The following SWAP70 variants were observed in gnomAD, a reference collection of about 807,000 sequenced individuals.
SWAP70 encodes the protein switch-associated protein 70.
SWAP70 carries 34 observed loss-of-function variants against 80.2 expected under a neutral mutation model. The observed-to-expected ratio is 0.42, with a 90% confidence interval of 0.32 to 0.56. The LOEUF (loss-of-function observed/expected upper bound fraction) is 0.56. Ranked by LOEUF, SWAP70 falls within the 20% of genes least tolerant of loss-of-function variation. The pLI, the probability that SWAP70 is intolerant of heterozygous loss-of-function variation, is 0.09. For missense variants in SWAP70, 578 were observed against 690.7 expected, an observed-to-expected ratio of 0.84 and a Z score of 1.83; for synonymous variants, 239 against 238.5, an observed-to-expected ratio of 1.00 and a Z score of -0.02.
At chr11:9,721,155 C>T (rs1252631253) in intron 3 of SWAP70, among the ~76,000 whole-genome samples, 1 of 152,066 alleles carries the variant, frequency 6.6e-6, no homozygotes, top group East Asian at 1.9e-4. Context: ...TCTTTTCTGT[C>T]CCATTTTCTC....
chr11:9,743,993 C>T (rs1280166213), intron 9 of SWAP70, among the ~76,000 whole-genome samples: 12 of 145,178 alleles, frequency 8.3e-5, no homozygotes, highest in Admixed American at 3.5e-4. Context: ...GACGGAGTCT[C>T]GCTCTGTCAC....
intron 2 of SWAP70, among the ~76,000 whole-genome samples, chr11:9,706,899 T>C (rs965210673): frequency 5.9e-5 from 9 of 152,078 alleles, no homozygotes; most frequent in Admixed American, 3.9e-4. Context: ...AGCATTTTTT[T>C]CCTTTTTTTT....
intron 1 of SWAP70, among the ~76,000 whole-genome samples, chr11:9,671,192 A>G (rs1448382434): frequency 1.3e-3 from 136 of 104,362 alleles, no homozygotes; most frequent in Non-Finnish European, 2.0e-3. Flanking sequence ...AAAAATATAT[A>G]AAATATATTT....
At chr11:9,714,970 C>CTTTTTTTTTTTTT (rs34803928) in intron 3 of SWAP70, among the ~76,000 whole-genome samples, 2 of 110,028 alleles carry the variant, frequency 1.8e-5, no homozygotes, top group Non-Finnish European at 3.6e-5. Context: ...CCACACCTGC[C>CTTTTTTTTTTTTT]TTTTTTTTTT....
intron 9 of SWAP70, among the ~76,000 whole-genome samples, chr11:9,742,111 C>G (rs1851448481): frequency 6.6e-6 from 1 of 151,876 alleles, no homozygotes; most frequent in Non-Finnish European, 1.5e-5. Context: ...AAAACTCCAG[C>G]TAATTATTTT....
intron 1 of SWAP70, chr11:9,680,781 T>A (rs2134433003): frequency 6.6e-6 from 1 of 152,374 alleles, no homozygotes; most frequent in East Asian, 1.9e-4. Context: ...CTTTTACTTT[T>A]TTTAAAATGA....
chr11:9,732,642 G>T lies in SWAP70; in HGVS notation c.1012G>T (p.Glu338Ter). The change falls in exon 7 of 12, where the codon GAG (glutamate) becomes TAG (stop). Residue 338 changes from glutamate (E) to a stop codon, truncating the protein, a stop_gained. Transcript: ENST00000318950. LOFTEE classifies it high-confidence loss of function. ...GCAGCTGGCTGAACAAGAGGAACTGGAGCGACAAATGAAGGAACTCCAGGC... is the reference window on the plus strand; with the variant it reads ...GCAGCTGGCTGAACAAGAGGAACTGTAGCGACAAATGAAGGAACTCCAGGC... ...KKQLAEQEEL[E>*]RQMKELQAAN... 2 of 1,578,568 alleles carry T rather than the reference G, an allele frequency of 1.3e-6. No individual in the cohort carries two copies. The highest frequency in any genetic ancestry group is 1.1e-5 in the South Asian group (1 of 87,108).
chr11:9,681,456 G>C (rs1850567611), intron 1 of SWAP70, among the ~76,000 whole-genome samples: 1 of 152,214 alleles, frequency 6.6e-6, no homozygotes, highest in Non-Finnish European at 1.5e-5. Flanking sequence ...ACCCTGTAAA[G>C]AGGGTAAGTC....
chr11:9,708,479 T>A (rs1234601065), intron 2 of SWAP70, among the ~76,000 whole-genome samples: 1 of 152,266 alleles, frequency 6.6e-6, no homozygotes, highest in African/African-American at 2.4e-5. Flanking sequence ...TTGCCCATTT[T>A]AAAATTCGCT....
At position 9,671,799 on chromosome 11, in the gene SWAP70, T is replaced by A. The variant is rs1245320975; in HGVS notation, c.99+7521T>A. Among the ~76,000 whole-genome samples the A allele has an allele frequency of 1.0e-4, 10 of 100,328 alleles. No individual in the cohort carries two copies. In the South Asian group the frequency reaches 2.9e-3, roughly 29 times the overall value. The allele number at this position is 100,328 out of a possible 152,430, so 65.8% of individuals were successfully genotyped here. ...TATAATATATTATTATTTATAAATA[T>A]ATATAAATATAAATATATAAATATA... is the stretch of plus-strand genomic sequence containing the variant. On this transcript the variant is annotated intron_variant, in intron 1 of 11. Transcript: ENST00000318950.
At chr11:9,667,142 G>A (rs1431734248) in intron 1 of SWAP70, among the ~76,000 whole-genome samples, 1 of 152,054 alleles carries the variant, frequency 6.6e-6, no homozygotes, top group African/African-American at 2.4e-5. Context: ...TAGGATTACA[G>A]GTGTGAGCAA....
intron 2 of SWAP70, among the ~76,000 whole-genome samples, chr11:9,699,345 CA>C (rs1015478759): frequency 5.3e-5 from 8 of 151,362 alleles, no homozygotes; most frequent in African/African-American, 1.7e-4. Context: ...TAAATTGTAC[CA>C]AAATTGATGT....
At chr11:9,727,233 C>A (rs1851237151) in intron 4 of SWAP70, among the ~76,000 whole-genome samples, 1 of 151,666 alleles carries the variant, frequency 6.6e-6, no homozygotes, top group African/African-American at 2.4e-5. Flanking sequence ...ATTAAAAATT[C>A]AAAAATTAGC....
intron 9 of SWAP70, among the ~76,000 whole-genome samples, chr11:9,745,257 G>A (rs118025449): frequency 2.6e-5 from 4 of 152,356 alleles, no homozygotes; most frequent in Non-Finnish European, 5.9e-5. Flanking sequence ...CAGTTGTTGT[G>A]AGGATGAAAT....
At position 9,752,004 on chromosome 11, in the gene SWAP70, G is replaced by C. The variant is rs1276909909; in HGVS notation, c.*2034G>C. On this transcript the variant is annotated 3_prime_UTR_variant, in exon 12 of 12. Coordinates refer to ENST00000318950, the MANE Select transcript of SWAP70 (RefSeq NM_015055.4). ...TTAGGTAAGGAATGGAACCTTTCCT[G>C]TGGTTTGACTGCACATTACACCAGA... 6.6e-6 allele frequency: 1 copy of C among 152,146 alleles called. No homozygotes were observed. Among genetic ancestry groups the C allele is most frequent in the Admixed American group, 6.5e-5 (1 of 15,272 alleles). 9.4% of individuals were successfully genotyped at this position (152,146 alleles called of 1,614,324 possible). A position where few individuals can be genotyped will look rare whatever the true frequency, so the allele number is the denominator to read the frequency against.
At chr11:9,686,023 A>G (rs1376660433) in intron 1 of SWAP70, among the ~76,000 whole-genome samples, 1 of 152,056 alleles carries the variant, frequency 6.6e-6, no homozygotes, top group Non-Finnish European at 1.5e-5. Flanking sequence ...CAAGCCCTCC[A>G]CCCTACTTAA....
At chr11:9,675,407 G>A (rs867161549) in intron 1 of SWAP70, among the ~76,000 whole-genome samples, 9 of 138,512 alleles carry the variant, frequency 6.5e-5, no homozygotes, top group African/African-American at 1.7e-4. Context: ...GAGAGAGAGA[G>A]AGAGAGAGAG....
intron 1 of SWAP70, among the ~76,000 whole-genome samples, chr11:9,681,852 C>T (rs1454098851): frequency 6.6e-6 from 1 of 152,068 alleles, no homozygotes; most frequent in African/African-American, 2.4e-5. Context: ...GTATGAAATT[C>T]CCCTGTGAGA....
chr11:9,689,638 A>G (rs1850671702), intron 1 of SWAP70, among the ~76,000 whole-genome samples: 1 of 152,240 alleles, frequency 6.6e-6, no homozygotes, highest in Admixed American at 6.5e-5. Flanking sequence ...TTACAAATCA[A>G]GAACTTGTAG....
Sources: gnomAD v4.1 joint callset for allele counts (sites outside exome capture counted in the v4.1 genomes callset) on GRCh38, gnomAD v4.1.1 for gene constraint, MANE v1.5 for transcripts, NCBI Gene and HGNC (gene_info 2026-07-23, HGNC 2026-07-21) for gene names.